PCDH15: variants seen among roughly 807,000 people sequenced by gnomAD.
PCDH15 encodes protocadherin related 15.
A neutral mutation model predicts 178.5 loss-of-function variants in PCDH15; 129 were observed. The observed-to-expected ratio is 0.72, with a 90% confidence interval of 0.63 to 0.84. The LOEUF (loss-of-function observed/expected upper bound fraction) is 0.84. PCDH15 is among the 40% of genes least tolerant of loss of function. The pLI is 0.00. For missense variants in PCDH15, 2,230 were observed against 2,099.9 expected, an observed-to-expected ratio of 1.06 and a Z score of -1.21; for synonymous variants, 800 against 732.0, an observed-to-expected ratio of 1.09 and a Z score of -1.50.
intron 2 of PCDH15, among the ~76,000 whole-genome samples, chr10:55,020,304 G>A (rs1370152827): frequency 3.3e-5 from 5 of 151,580 alleles, no homozygotes; most frequent in African/African-American, 1.2e-4. Flanking sequence ...GAGGGGATTT[G>A]GGCATGTAAT....
intron 1 of PCDH15, among the ~76,000 whole-genome samples, chr10:55,274,297 T>G (rs938807481): frequency 6.6e-6 from 1 of 152,110 alleles, no homozygotes; most frequent in African/African-American, 2.4e-5. Flanking sequence ...TACCTCAGGA[T>G]AGTGAATACT....
At chr10:54,890,363 G>T (rs1954439100) in intron 3 of PCDH15, among the ~76,000 whole-genome samples, 1 of 151,954 alleles carries the variant, frequency 6.6e-6, no homozygotes, top group East Asian at 1.9e-4. Context: ...ATACATCAAT[G>T]AGTTTAATGT....
chr10:53,971,396 C>T (rs1009288415), intron 21 of PCDH15, among the ~76,000 whole-genome samples: 4 of 152,174 alleles, frequency 2.6e-5, no homozygotes, highest in African/African-American at 9.7e-5. Context: ...GATGCCCTAT[C>T]TCACCACTCT....
chr10:54,812,700 G>T (rs1319156010), intron 3 of PCDH15, among the ~76,000 whole-genome samples: 1 of 151,046 alleles, frequency 6.6e-6, no homozygotes, highest in African/African-American at 2.4e-5. Flanking sequence ...CTCATGATCC[G>T]CCTGCCTCGG....
At chr10:55,245,811 C>A (rs897596049) in intron 1 of PCDH15, among the ~76,000 whole-genome samples, 1 of 152,154 alleles carries the variant, frequency 6.6e-6, no homozygotes, top group African/African-American at 2.4e-5. Flanking sequence ...TAGCATAACA[C>A]GAATTTGTGA....
intron 2 of PCDH15, among the ~76,000 whole-genome samples, chr10:54,997,101 ACT>A (rs1491292949): frequency 9.1e-6 from 1 of 109,900 alleles, no homozygotes; most frequent in Non-Finnish European, 1.9e-5. Flanking sequence ...AAAGAGCAAA[ACT>A]CTAGTCTCAA....
At chr10:54,503,593 G>T (rs1179472584) in intron 3 of PCDH15, among the ~76,000 whole-genome samples, 2 of 151,510 alleles carry the variant, frequency 1.3e-5, no homozygotes, top group Non-Finnish European at 2.9e-5. Flanking sequence ...ACTAAACCAA[G>T]AGATCTTTGG....
chr10:54,848,372 A>C, intron 3 of PCDH15, among the ~76,000 whole-genome samples: 1 of 134,724 alleles, frequency 7.4e-6, no homozygotes. Context: ...ACAAGAGCAA[A>C]ACTCCATCTC....
intron 2 of PCDH15, among the ~76,000 whole-genome samples, chr10:55,446,200 A>C (rs1360743): frequency 0.76 from 115,572 of 151,224 alleles, 45,487 homozygotes; most frequent in East Asian, 0.99. Context: ...CACTCACACG[A>C]ACACACACAC....
intron 2 of PCDH15, among the ~76,000 whole-genome samples, chr10:55,010,604 G>T (rs936367548): frequency 1.3e-5 from 2 of 152,048 alleles, no homozygotes; most frequent in African/African-American, 4.8e-5. Context: ...AGGTCCAAAG[G>T]CCTTACACAG....
intron 8 of PCDH15, among the ~76,000 whole-genome samples, chr10:54,295,369 A>G (rs576173231): frequency 6.6e-6 from 1 of 152,280 alleles, no homozygotes; most frequent in African/African-American, 2.4e-5. Flanking sequence ...GGGGCCAAAT[A>G]AGGGAATAAA....
intron 2 of PCDH15, among the ~76,000 whole-genome samples, chr10:54,629,403 A>C (rs941520604): frequency 6.6e-6 from 1 of 152,200 alleles, no homozygotes; most frequent in Non-Finnish European, 1.5e-5. Flanking sequence ...CACCATGATC[A>C]AGAAGGCTAT....
intron 1 of PCDH15, among the ~76,000 whole-genome samples, chr10:54,710,317 A>G (rs1023227012): frequency 2.0e-5 from 3 of 152,088 alleles, no homozygotes; most frequent in African/African-American, 7.2e-5. Context: ...AAATCAATAA[A>G]TAGTGCTGGA....
At chr10:54,617,402 C>T (rs1349570117) in intron 2 of PCDH15, among the ~76,000 whole-genome samples, 1 of 151,894 alleles carries the variant, frequency 6.6e-6, no homozygotes, top group Non-Finnish European at 1.5e-5. Context: ...GTTTTCAAAG[C>T]CATCTTACTC....
intron 2 of PCDH15, among the ~76,000 whole-genome samples, chr10:54,542,816 T>C (rs1232009441): frequency 6.6e-6 from 1 of 152,150 alleles, no homozygotes; most frequent in Non-Finnish European, 1.5e-5. Context: ...AGGTGAAGAC[T>C]GGCGCTCCTG....
At chr10:54,167,298 T>C (rs1428982236) in intron 13 of PCDH15, among the ~76,000 whole-genome samples, 2 of 152,144 alleles carry the variant, frequency 1.3e-5, no homozygotes, top group East Asian at 1.9e-4. Flanking sequence ...TCTTACTCTC[T>C]TCTCCAACCT....
rs1837937339 is a variant in PCDH15, at chr10:55,396,684, C to T, written c.-155-230033G>A. On this transcript the variant is annotated intron_variant, in intron 2 of 5. Coordinates refer to the PCDH15 transcript ENST00000613346. ...ACACTCTGATTTGCAGGTGCAGATT[C>T]CAGAAGCAGATACTTTGTACATGGT... is the stretch of plus-strand genomic sequence containing the variant. 1.3e-5 allele frequency among the ~76,000 whole-genome samples: 2 copies of T among 152,118 alleles called. 1 individual carries two copies. Among genetic ancestry groups the T allele is most frequent in the Non-Finnish European group, 2.9e-5 (2 of 68,006 alleles).
intron 28 of PCDH15, among the ~76,000 whole-genome samples, chr10:53,851,369 G>GGACTT (rs1247847048): frequency 1.3e-5 from 2 of 151,428 alleles, no homozygotes; most frequent in Admixed American, 1.3e-4. Context: ...ATGGCAGCAG[G>GGACTT]GACTTCACAC....
chr10:55,053,503 A>C (rs1015399352), intron 2 of PCDH15, among the ~76,000 whole-genome samples: 1 of 152,216 alleles, frequency 6.6e-6, no homozygotes, highest in South Asian at 2.1e-4. Context: ...TTATTAAGAG[A>C]AGAGAAATGC....
Sources: allele counts gnomAD v4.1 joint callset (sites outside exome capture counted in the v4.1 genomes callset), GRCh38; gene constraint gnomAD v4.1.1; transcripts MANE v1.5; gene names NCBI Gene and HGNC (gene_info 2026-07-23, HGNC 2026-07-21).